The following COL22A1 variants were observed in gnomAD, a reference collection of about 807,000 sequenced individuals.
COL22A1 encodes collagen alpha-1(XXII) chain.
COL22A1 carries 221 observed loss-of-function variants against 248.9 expected under a neutral mutation model. The ratio of observed to expected loss-of-function variants is 0.89; its 90% confidence interval spans 0.80 to 0.99. The LOEUF is 0.99. Among genes scored for constraint, COL22A1 ranks in the 50% least tolerant of loss-of-function variants. The pLI is 0.00. For synonymous variants in COL22A1, 891 were observed against 793.4 expected (o/e 1.12, Z -2.07); for missense variants, 2,240 against 2,179.0 (o/e 1.03, Z -0.56).
intron 3 of COL22A1, among the ~76,000 whole-genome samples, chr8:138,872,617 C>A (rs975661096): frequency 6.6e-6 from 1 of 152,198 alleles, no homozygotes; most frequent in Admixed American, 6.5e-5. Flanking sequence ...ATAGCTGATG[C>A]TCCGGGGCTG....
At chr8:138,709,983 T>C (rs1031513075) in intron 30 of COL22A1, among the ~76,000 whole-genome samples, 1 of 151,868 alleles carries the variant, frequency 6.6e-6, no homozygotes, top group Middle Eastern at 3.2e-3. Context: ...CATGAAGGAG[T>C]GGGCTCTTCT....
intron 3 of COL22A1, among the ~76,000 whole-genome samples, chr8:138,844,518 G>C (rs556760242): frequency 6.6e-6 from 1 of 152,292 alleles, no homozygotes; most frequent in East Asian, 1.9e-4. Flanking sequence ...GGGGGTTCAG[G>C]ACACAGATAC....
chr8:138,898,908 G>A (rs1814327028), intron 1 of COL22A1, among the ~76,000 whole-genome samples: 1 of 152,148 alleles, frequency 6.6e-6, no homozygotes, highest in African/African-American at 2.4e-5. Flanking sequence ...CTATGAGGAA[G>A]CAGCATCATC....
At chr8:138,897,093 A>T (rs1563900353) in intron 1 of COL22A1, among the ~76,000 whole-genome samples, 1 of 152,198 alleles carries the variant, frequency 6.6e-6, no homozygotes, top group African/African-American at 2.4e-5. Context: ...TCTGTTTTAT[A>T]GATGAGGAAA....
intron 50 of COL22A1, among the ~76,000 whole-genome samples, chr8:138,628,029 C>T (rs1820396909): frequency 1.3e-5 from 2 of 152,260 alleles, no homozygotes; most frequent in African/African-American, 4.8e-5. Flanking sequence ...TCCTAACAAT[C>T]TAGAACTCTA....
intron 4 of COL22A1, among the ~76,000 whole-genome samples, chr8:138,835,760 T>A (rs1820382205): frequency 6.6e-6 from 1 of 152,214 alleles, no homozygotes; most frequent in Non-Finnish European, 1.5e-5. Flanking sequence ...ACAAATGAGC[T>A]GTGTGGCCTT....
chr8:138,589,162 G>C lies in COL22A1; in HGVS notation c.*91C>G. On this transcript the variant is annotated 3_prime_UTR_variant, in exon 65 of 65. Coordinates refer to ENST00000303045, the MANE Select transcript of COL22A1 (RefSeq NM_152888.3). ...AGAAAGAAAAAAAAAAGGAACACAT[G>C]GCTGAAGTCTTTCAAGACCTCTGGC... The C allele has an allele frequency of 8.4e-7, 1 of 1,183,456 alleles. No individual in the cohort carries two copies. The highest frequency in any genetic ancestry group is 1.6e-5 in the African/African-American group (1 of 63,182). 73.3% of individuals were successfully genotyped at this position (1,183,456 alleles called of 1,614,324 possible).
chr8:138,626,169 G>C (rs1221670045), intron 51 of COL22A1, 21 bp downstream of exon 51: 2 of 1,574,416 alleles, frequency 1.3e-6, no homozygotes, highest in South Asian at 1.2e-5. Flanking sequence ...TTGTTTGTTT[G>C]TTTTTATAAA....
At chr8:138,820,994 G>T in intron 7 of COL22A1, 142 bp downstream of exon 7, 1 of 872,652 alleles carries the variant, frequency 1.1e-6, no homozygotes, top group South Asian at 1.8e-5. Context: ...TTCTGAGTCA[G>T]GGTCTTTCCT....
chr8:138,617,904 G>C (rs1229490216), intron 53 of COL22A1, among the ~76,000 whole-genome samples: 1 of 152,158 alleles, frequency 6.6e-6, no homozygotes, highest in Non-Finnish European at 1.5e-5. Context: ...ACTGCACAGT[G>C]CTCTCCAGTT....
Position 138,598,884 on chromosome 8 carries a change from G to C in COL22A1, c.4200C>G (p.Ile1400Met), listed in dbSNP as rs1817761240. 1.2e-6 allele frequency: 2 copies of C among 1,614,092 alleles called. No homozygotes were observed. Among genetic ancestry groups the C allele is most frequent in the Non-Finnish European group, 1.7e-6 (2 of 1,180,002 alleles). Residue 1400 changes from isoleucine to methionine, a missense_variant, in exon 61 of 65, where the codon ATC becomes ATG. Ile to Met is a conservative substitution (Grantham distance 10, BLOSUM62 1). Transcript: ENST00000303045. ...CACCAGGAGGTCCTTTGTCACCTTTGATCCCAGGATCTCCCTAAGGAGGAA... is the reference window on the plus strand; with the variant it reads ...CACCAGGAGGTCCTTTGTCACCTTTCATCCCAGGATCTCCCTAAGGAGGAA... The part of the protein sequence containing the change: ...GFKGERGDPG[I>M]KGDKGPPGGK...
At chr8:138,710,199 G>T (rs1017317814) in intron 30 of COL22A1, among the ~76,000 whole-genome samples, 2 of 152,208 alleles carry the variant, frequency 1.3e-5, no homozygotes, top group Non-Finnish European at 2.9e-5. Flanking sequence ...GGAGTACGGT[G>T]TTATTACATT....
At chr8:138,721,688 G>T (rs1755154921) in intron 26 of COL22A1, among the ~76,000 whole-genome samples, 1 of 152,098 alleles carries the variant, frequency 6.6e-6, no homozygotes, top group African/African-American at 2.4e-5. Context: ...CAAATTCCTG[G>T]GCTCAAGCAA....
chr8:138,662,898 T>G (rs1274603842), intron 42 of COL22A1, among the ~76,000 whole-genome samples: 1 of 151,566 alleles, frequency 6.6e-6, no homozygotes, highest in Non-Finnish European at 1.5e-5. Context: ...CACCTGTAAT[T>G]CCAGCTACCG....
chr8:138,826,851 A>G (rs1277887797), intron 5 of COL22A1, 70 bp from the exon 6 acceptor site: 3 of 1,573,662 alleles, frequency 1.9e-6, no homozygotes, highest in East Asian at 2.3e-5. Context: ...GTGAGCCCAC[A>G]CAACCCAGCA....
At chr8:138,615,395 G>C (rs1212183814) in intron 55 of COL22A1, among the ~76,000 whole-genome samples, 1 of 152,072 alleles carries the variant, frequency 6.6e-6, no homozygotes, top group Non-Finnish European at 1.5e-5. Context: ...GCTGGGCATG[G>C]TGGCAGGTGC....
intron 35 of COL22A1, 149 bp downstream of exon 35, chr8:138,693,497 G>A: frequency 1.4e-6 from 1 of 736,982 alleles, no homozygotes; most frequent in South Asian, 1.6e-5. Context: ...TCTCCGTGCT[G>A]ACTCCCACCA....
At chr8:138,891,354 G>A (rs768899204) in intron 1 of COL22A1, among the ~76,000 whole-genome samples, 6 of 152,136 alleles carry the variant, frequency 3.9e-5, no homozygotes, top group African/African-American at 4.8e-5. Flanking sequence ...TGGGTTCAGG[G>A]AGGATAGACA....
chr8:138,662,970 C>T (rs926060400), intron 42 of COL22A1, among the ~76,000 whole-genome samples: 29 of 121,066 alleles, frequency 2.4e-4, no homozygotes, highest in African/African-American at 8.0e-4. Flanking sequence ...GAGCCAAGGT[C>T]GTGCCACTGT....
Sources: allele counts gnomAD v4.1 joint callset (sites outside exome capture counted in the v4.1 genomes callset), GRCh38; gene constraint gnomAD v4.1.1; transcripts MANE v1.5; gene names NCBI Gene and HGNC (gene_info 2026-07-23, HGNC 2026-07-21).